Variants in TRPC4 observed in about 807,000 individuals in gnomAD.
The protein encoded by TRPC4 is transient receptor potential cation channel subfamily C member 4.
A neutral mutation model predicts 99.4 loss-of-function variants in TRPC4; 49 were observed. The ratio of observed to expected loss-of-function variants is 0.49; its 90% CI spans 0.39 to 0.63. TRPC4 has a LOEUF of 0.63. Among genes scored for constraint, TRPC4 ranks in the 20% least tolerant of loss-of-function variants. TRPC4 has a pLI of 0.00. For missense variants in TRPC4, 898 were observed against 1,152.9 expected (o/e 0.78, Z 3.20); for synonymous variants, 454 against 425.9 (o/e 1.07, Z -0.81).
intron 1 of TRPC4, among the ~76,000 whole-genome samples, chr13:37,849,144 C>A (rs547482084): frequency 1.6e-4 from 24 of 152,112 alleles, no homozygotes; most frequent in Non-Finnish European, 3.4e-4. Flanking sequence ...TGGAGGCTCA[C>A]GCCCTTCATA....
In TRPC4 at chr13:37,636,355, C is replaced by T. The variant is rs1475717897; in HGVS notation, c.*548G>A. On this transcript the variant is annotated 3_prime_UTR_variant, in exon 11 of 11. Coordinates refer to ENST00000379705, the MANE Select transcript of TRPC4 (RefSeq NM_016179.4). ...TGAATTTGAGGGAGTTTAGATATGA[C>T]TCCATGAGAAGAAGACTTGTTTGCT... is the stretch of plus-strand genomic sequence containing the variant. Among the ~76,000 whole-genome samples the T allele has an allele frequency of 6.6e-6, 1 of 152,032 alleles. No homozygotes were observed. Among genetic ancestry groups the T allele is most frequent in the Non-Finnish European group, 1.5e-5 (1 of 67,998 alleles).
At chr13:37,667,969 A>T (rs1952705328) in intron 5 of TRPC4, among the ~76,000 whole-genome samples, 1 of 152,194 alleles carries the variant, frequency 6.6e-6, no homozygotes, top group Non-Finnish European at 1.5e-5. Context: ...TTCGGGGTTC[A>T]TGGTACTGAT....
intron 4 of TRPC4, among the ~76,000 whole-genome samples, chr13:37,686,337 T>C (rs2138844708): frequency 6.6e-6 from 1 of 152,246 alleles, no homozygotes; most frequent in Non-Finnish European, 1.5e-5. Flanking sequence ...TATATATGTA[T>C]GTGTATATAT....
At chr13:37,863,976 C>T (rs1047576787) in intron 1 of TRPC4, among the ~76,000 whole-genome samples, 1 of 151,690 alleles carries the variant, frequency 6.6e-6, no homozygotes, top group African/African-American at 2.4e-5. Context: ...AATTGTGTTA[C>T]TTCTCCACTA....
chr13:37,801,648 G>C (rs1957404049), intron 1 of TRPC4, among the ~76,000 whole-genome samples: 1 of 151,968 alleles, frequency 6.6e-6, no homozygotes, highest in Non-Finnish European at 1.5e-5. Context: ...TACTGTCTTT[G>C]GGCACTAAGT....
In TRPC4 at chr13:37,653,334, A is replaced by G. The variant is rs545689193; in HGVS notation, c.1884+1754T>C. Among the ~76,000 whole-genome samples, 8 of 152,218 alleles carry G rather than the reference A, an allele frequency of 5.3e-5. No individual in the cohort carries two copies. The East Asian group carries it at 1.5e-3, about 29-fold the overall frequency. The stretch of plus-strand genomic sequence containing the variant: ...GCCTACATAAGTGCTTCTGCCTTTC[A>G]ACAGTTAAATTTTCCTCTTTTTCAT... On this transcript the variant is annotated intron_variant, in intron 7 of 10. Coordinates refer to ENST00000379705, the MANE Select transcript of TRPC4 (RefSeq NM_016179.4).
At chr13:37,649,460 C>T (rs149829731) in intron 8 of TRPC4, among the ~76,000 whole-genome samples, 5,671 of 151,950 alleles carry the variant, frequency 0.037, 168 homozygotes, top group South Asian at 0.11. Context: ...ATTGGCCGGG[C>T]GCGGTGGCTC....
intron 2 of TRPC4, among the ~76,000 whole-genome samples, chr13:37,760,337 T>A (rs1175217466): frequency 1.3e-5 from 2 of 151,910 alleles, no homozygotes; most frequent in Non-Finnish European, 2.9e-5. Context: ...CTCTCACCTA[T>A]CCAGTTCTGC....
chr13:37,832,385 T>C (rs900313756), intron 1 of TRPC4, among the ~76,000 whole-genome samples: 4 of 151,720 alleles, frequency 2.6e-5, no homozygotes, highest in Non-Finnish European at 5.9e-5. Context: ...CTACTAAAAA[T>C]AAAAAAGAAA....
intron 8 of TRPC4, among the ~76,000 whole-genome samples, chr13:37,644,142 A>G (rs2138563711): frequency 6.6e-6 from 1 of 152,316 alleles, no homozygotes; most frequent in South Asian, 2.1e-4. Flanking sequence ...AATTAGTGAC[A>G]CCATTGAATA....
At chr13:37,683,990 G>T (rs2138829217) in intron 4 of TRPC4, among the ~76,000 whole-genome samples, 1 of 152,258 alleles carries the variant, frequency 6.6e-6, no homozygotes, top group Middle Eastern at 3.4e-3. Flanking sequence ...GATATAAGGT[G>T]GCCAAGGAGA....
chr13:37,761,162 A>G (rs1340281210), intron 2 of TRPC4, among the ~76,000 whole-genome samples: 3 of 151,982 alleles, frequency 2.0e-5, no homozygotes, highest in African/African-American at 7.2e-5. Flanking sequence ...TGATGATAAC[A>G]TAAGCAATAG....
At position 37,632,070 on chromosome 13, in the gene TRPC4, G is replaced by C. The variant is rs548086340; in HGVS notation, c.*4833C>G. 1.7e-4 allele frequency among the ~76,000 whole-genome samples: 26 copies of C among 152,290 alleles called. No individual in the cohort carries two copies. The South Asian group carries it at 4.3e-3, about 25-fold the overall frequency. On this transcript the variant is annotated 3_prime_UTR_variant, in exon 11 of 11. Coordinates refer to ENST00000379705, the MANE Select transcript of TRPC4 (RefSeq NM_016179.4). ...CCATTAGGAGATTAGGAATCAAGGA[G>C]AGACTGCAAACTTTAATAGAGCTAC...
At position 37,814,976 on chromosome 13, in the gene TRPC4, A is replaced by T. The variant is rs1362635423; in HGVS notation, c.-27-31616T>A. On this transcript the variant is annotated intron_variant, in intron 1 of 10. Transcript: ENST00000379705. ...CAAGAATGTGTAGTGCTGGAATATT[A>T]GACATAAAGGTCAATAAAATTGATT... Among the ~76,000 whole-genome samples, 4 of 151,844 alleles carry T rather than the reference A, an allele frequency of 2.6e-5. No homozygotes were observed. In the East Asian group the frequency reaches 5.8e-4, roughly 22 times the overall value.
At chr13:37,810,123 T>C (rs1196238231) in intron 1 of TRPC4, among the ~76,000 whole-genome samples, 1 of 152,104 alleles carries the variant, frequency 6.6e-6, no homozygotes, top group Non-Finnish European at 1.5e-5. Flanking sequence ...CAATGATGGT[T>C]TGTAAAATTT....
At chr13:37,802,983 T>C (rs1479718981) in intron 1 of TRPC4, among the ~76,000 whole-genome samples, 2 of 152,042 alleles carry the variant, frequency 1.3e-5, no homozygotes, top group African/African-American at 2.4e-5. Flanking sequence ...TATTTATTTA[T>C]CCATATCATT....
chr13:37,725,982 G>A (rs1048075453), intron 3 of TRPC4, among the ~76,000 whole-genome samples: 2 of 152,098 alleles, frequency 1.3e-5, no homozygotes, highest in Non-Finnish European at 2.9e-5. Context: ...CGGATCACAA[G>A]GTCAGGAGTT....
chr13:37,646,226 G>A (rs1413761881), intron 8 of TRPC4, among the ~76,000 whole-genome samples: 1 of 152,194 alleles, frequency 6.6e-6, no homozygotes, highest in East Asian at 1.9e-4. Flanking sequence ...GCTGTGTGAT[G>A]CTCAGAGTGA....
intron 1 of TRPC4, among the ~76,000 whole-genome samples, chr13:37,842,330 G>A (rs1450034902): frequency 1.6e-5 from 1 of 63,076 alleles, no homozygotes; most frequent in Non-Finnish European, 2.8e-5. Flanking sequence ...AGCAATTAAT[G>A]ATAGCGTCTA....
Sources: allele counts gnomAD v4.1 joint callset (sites outside exome capture counted in the v4.1 genomes callset), GRCh38; gene constraint gnomAD v4.1.1; transcripts MANE v1.5; gene names NCBI Gene and HGNC (gene_info 2026-07-23, HGNC 2026-07-21).